SYCP3: variants seen among roughly 807,000 people sequenced by gnomAD.
The protein encoded by SYCP3 is synaptonemal complex protein 3.
A neutral mutation model predicts 38.5 loss-of-function variants in SYCP3; 29 were observed. That is an observed-to-expected ratio of 0.75 (90% CI 0.56 to 1.03). SYCP3 has a LOEUF of 1.03. Among genes scored for constraint, SYCP3 ranks in the 50% least tolerant of loss-of-function variants. SYCP3 has a pLI of 0.00. For missense variants in SYCP3, 242 were observed against 270.7 expected (o/e 0.89, Z 0.74); for synonymous variants, 79 against 80.3 (o/e 0.98, Z 0.08).
chr12:101,735,654 C>T (rs930328624), intron 4 of SYCP3, among the ~76,000 whole-genome samples: 4 of 150,380 alleles, frequency 2.7e-5, no homozygotes, highest in South Asian at 2.1e-4. Flanking sequence ...AGTGAGACTC[C>T]GTCTCAAAAA....
chr12:101,736,752 CT>C (rs1449747974), intron 4 of SYCP3, among the ~76,000 whole-genome samples: 1 of 150,432 alleles, frequency 6.6e-6, no homozygotes, highest in African/African-American at 2.4e-5. Flanking sequence ...ATCACTTAGT[CT>C]GTGAATACAA....
intron 2 of SYCP3, 116 bp downstream of exon 2, chr12:101,737,687 G>A: frequency 2.1e-6 from 3 of 1,428,284 alleles, no homozygotes; most frequent in Admixed American, 1.7e-5. Context: ...CACAAATACC[G>A]GGGGAGGGAA....
intron 6 of SYCP3, chr12:101,733,104 G>C: frequency 6.2e-6 from 1 of 161,392 alleles, no homozygotes; most frequent in Non-Finnish European, 1.4e-5. Flanking sequence ...TATTTTCCCA[G>C]AGGAATTTTT....
At position 101,730,491 on chromosome 12, in the gene SYCP3, A is replaced by ATTT. The variant is rs201662453; in HGVS notation, c.552+1074_552+1076dup. ...TTTTAAAATAACATGTGTGTGTATA[A>ATTT]TTTTTTTTTTTTTTTTTTTTTTGAG... On this transcript the variant is annotated intron_variant, in intron 7 of 8. Transcript: ENST00000392924. The ATTT allele has an allele frequency of 5.5e-3, 1,795 of 327,696 alleles. 4 individuals carry two copies. The highest frequency in any genetic ancestry group is 8.8e-3 in the Middle Eastern group (8 of 912). 20.3% of individuals were successfully genotyped at this position (327,696 alleles called of 1,614,324 possible). A position where few individuals can be genotyped will look rare whatever the true frequency, so the allele number is the denominator to read the frequency against.
chr12:101,736,291 G>A (rs1405541218), intron 4 of SYCP3, among the ~76,000 whole-genome samples: 1 of 151,926 alleles, frequency 6.6e-6, no homozygotes, highest in Non-Finnish European at 1.5e-5. Context: ...TAATCATGCT[G>A]TAGCTGCACT....
rs1448570395 is a variant in SYCP3 at position 101,739,350 on chromosome 12, C to A, written c.-18+1G>T. The A allele has an allele frequency of 1.0e-6, 1 of 1,002,774 alleles. No homozygotes were observed. Among genetic ancestry groups the A allele is most frequent in the Non-Finnish European group, 1.2e-6 (1 of 830,412 alleles). 62.1% of individuals were successfully genotyped at this position (1,002,774 alleles called of 1,614,324 possible). On this transcript the variant is annotated splice_donor_variant, in intron 1 of 8. Coordinates refer to ENST00000392924, the MANE Select transcript of SYCP3 (RefSeq NM_001177949.2). LOFTEE classifies it low-confidence loss of function (5UTR_SPLICE). ...TAGACAGACGCCTCCCCTGCTCACA[C>A]CTGAAACACACCGCAATGGCCGAGG... is the stretch of plus-strand genomic sequence containing the variant.
At chr12:101,733,966 GTTTA>G (rs1033368867) in intron 5 of SYCP3, among the ~76,000 whole-genome samples, 2 of 152,050 alleles carry the variant, frequency 1.3e-5, no homozygotes, top group Non-Finnish European at 2.9e-5. Flanking sequence ...TCTCTAAGCA[GTTTA>G]TTTTTCATTT....
intron 4 of SYCP3, 72 bp downstream of exon 4, chr12:101,736,965 A>T: frequency 7.1e-7 from 1 of 1,416,446 alleles, no homozygotes; most frequent in Non-Finnish European, 9.9e-7. Context: ...GTCCATTATT[A>T]ACATTTGTTA....
At chr12:101,737,650 G>T in intron 2 of SYCP3, 153 bp downstream of exon 2, 1 of 988,682 alleles carries the variant, frequency 1.0e-6, no homozygotes, top group Non-Finnish European at 1.6e-6. Flanking sequence ...AGTACAGCTG[G>T]CCATCCGTGT....
chr12:101,739,176 G>A, intron 1 of SYCP3, 175 bp downstream of exon 1: 17 of 244,162 alleles, frequency 7.0e-5, no homozygotes, highest in Non-Finnish European at 1.0e-4. Flanking sequence ...CCCCAGCCCA[G>A]CCCGCCCGCT....
At chr12:101,736,070 G>A (rs1566056063) in intron 4 of SYCP3, among the ~76,000 whole-genome samples, 1 of 150,884 alleles carries the variant, frequency 6.6e-6, no homozygotes, top group African/African-American at 2.4e-5. Flanking sequence ...AAAAATCTTA[G>A]TTTAAGTAAA....
At chr12:101,738,867 GGCAACTCTA>G (rs960609345) in intron 1 of SYCP3, among the ~76,000 whole-genome samples, 15 of 152,208 alleles carry the variant, frequency 9.9e-5, no homozygotes, top group Non-Finnish European at 1.8e-4. Context: ...GCTAAATCTG[GGCAACTCTA>G]GCAGGGCGCT....
At position 101,737,018 on chromosome 12, in the gene SYCP3, A is replaced by T. The variant is rs759750890; in HGVS notation, c.235+19T>A. ...CTTAAAACAATTTTCTTTAAATACAAGTATCTCCTAAAACCTACCTCCAAC... is the reference window on the plus strand; with the variant it reads ...CTTAAAACAATTTTCTTTAAATACATGTATCTCCTAAAACCTACCTCCAAC... On this transcript the variant is annotated intron_variant, in intron 4 of 8. Coordinates refer to ENST00000392924, the MANE Select transcript of SYCP3 (RefSeq NM_001177949.2). The T allele has an allele frequency of 4.3e-6, 7 of 1,612,776 alleles. No individual in the cohort carries two copies. The South Asian group carries it at 7.7e-5, about 18-fold the overall frequency.
intron 6 of SYCP3, chr12:101,731,984 T>G (rs1175686666): frequency 4.0e-6 from 1 of 250,908 alleles, no homozygotes; most frequent in Admixed American, 5.2e-5. Flanking sequence ...CTCAATGATT[T>G]TGGCCTCTAC....
chr12:101,729,298 G>T, intron 7 of SYCP3, 85 bp from the exon 8 acceptor site: 1 of 1,315,190 alleles, frequency 7.6e-7, no homozygotes, highest in Admixed American at 2.2e-5. Flanking sequence ...TTCAAAAGTA[G>T]TAATTTTTGA....
intron 6 of SYCP3, 28 bp from the exon 7 acceptor site, chr12:101,731,694 G>A (rs1952198368): frequency 6.7e-7 from 1 of 1,491,914 alleles, no homozygotes; most frequent in African/African-American, 1.4e-5. Context: ...AAAAAACTGT[G>A]TAATAACAAT....
At chr12:101,733,370 A>C (rs1952264700) in intron 6 of SYCP3, 1 of 519,938 alleles carries the variant, frequency 1.9e-6, no homozygotes, top group Non-Finnish European at 3.4e-6. Flanking sequence ...GTCACTTGGA[A>C]ATGCAGGAAC....
At chr12:101,735,863 A>ATTTTTTTT (rs1436443061) in intron 4 of SYCP3, among the ~76,000 whole-genome samples, 2 of 68,256 alleles carry the variant, frequency 2.9e-5, no homozygotes, top group Non-Finnish European at 5.5e-5. Flanking sequence ...ATATATATAT[A>ATTTTTTTT]TATATATATT....
chr12:101,731,525 TTA>T (rs745931720), intron 7 of SYCP3, 41 bp downstream of exon 7: 1 of 1,310,796 alleles, frequency 7.6e-7, no homozygotes, highest in Non-Finnish European at 1.1e-6. Flanking sequence ...CATAAATATA[TTA>T]TGTTTTATAA....
Sources: allele counts gnomAD v4.1 joint callset (sites outside exome capture counted in the v4.1 genomes callset), GRCh38; gene constraint gnomAD v4.1.1; transcripts MANE v1.5; gene names NCBI Gene and HGNC (gene_info 2026-07-23, HGNC 2026-07-21).